The following MAF variants were observed in gnomAD, a reference collection of about 807,000 sequenced individuals.
MAF encodes MAF bZIP transcription factor, also known as transcription factor Maf.
MAF carries 10 observed loss-of-function variants against 22.0 expected under a neutral mutation model. The observed-to-expected ratio is 0.45, with a 90% CI of 0.28 to 0.77. The LOEUF is 0.77. Ranked by LOEUF, MAF falls within the 30% of genes least tolerant of loss-of-function variation. The probability of loss-of-function intolerance (pLI) is 0.12; values close to 1 mark genes in which losing one functional copy is unlikely to be tolerated. For missense variants in MAF, 544 were observed against 548.4 expected, an observed-to-expected ratio of 0.99 and a Z score of 0.08; for synonymous variants, 337 against 255.8, an observed-to-expected ratio of 1.32 and a Z score of -3.03.
the MAF span, among the ~76,000 whole-genome samples, chr16:79,263,475 C>G: frequency 6.6e-6 from 1 of 152,192 alleles, no homozygotes; most frequent in Non-Finnish European, 1.5e-5. Context: ...AACCATTTGT[C>G]CTTGTCCTAA....
the MAF span, among the ~76,000 whole-genome samples, chr16:79,440,024 A>G: frequency 6.6e-6 from 1 of 152,218 alleles, no homozygotes; most frequent in Non-Finnish European, 1.5e-5. Context: ...ACAGACAGGC[A>G]CAGTCAGAAC....
the MAF span, among the ~76,000 whole-genome samples, chr16:79,407,316 A>C: frequency 6.6e-6 from 1 of 152,170 alleles, no homozygotes; most frequent in Non-Finnish European, 1.5e-5. Flanking sequence ...AGGCCCTACG[A>C]AATGCCATCA....
At chr16:79,435,093 G>C in the MAF span, among the ~76,000 whole-genome samples, 1 of 152,154 alleles carries the variant, frequency 6.6e-6, no homozygotes, top group East Asian at 1.9e-4. Context: ...GTCCTAGACT[G>C]GCATGACTTG....
chr16:79,458,578 T>C, the MAF span, among the ~76,000 whole-genome samples: 1 of 152,104 alleles, frequency 6.6e-6, no homozygotes, highest in Non-Finnish European at 1.5e-5. Flanking sequence ...CTCATGGAGG[T>C]GGAAGAGGTG....
At chr16:79,337,271 C>G in the MAF span, among the ~76,000 whole-genome samples, 1 of 152,122 alleles carries the variant, frequency 6.6e-6, no homozygotes, top group African/African-American at 2.4e-5. Context: ...AAGAAATGCA[C>G]CCATAAAACA....
chr16:79,210,668 G>C, the MAF span, among the ~76,000 whole-genome samples: 1 of 152,160 alleles, frequency 6.6e-6, no homozygotes, highest in Admixed American at 6.5e-5. Flanking sequence ...TTAAATTAGA[G>C]ACGTGCCGAC....
chr16:79,398,768 C>T, the MAF span, among the ~76,000 whole-genome samples: 162 of 152,300 alleles, frequency 1.1e-3, no homozygotes, highest in African/African-American at 3.8e-3. Flanking sequence ...GCCCCTCTGT[C>T]TGGCATTCTC....
the MAF span, among the ~76,000 whole-genome samples, chr16:79,566,078 A>G: frequency 1.3e-5 from 2 of 152,206 alleles, no homozygotes; most frequent in Non-Finnish European, 2.9e-5. Context: ...AAACAAACGC[A>G]ACCAAACAAA....
At chr16:79,489,465 A>T in the MAF span, among the ~76,000 whole-genome samples, 8 of 152,204 alleles carry the variant, frequency 5.3e-5, no homozygotes, top group Admixed American at 3.3e-4. Flanking sequence ...CCTGGGGGAA[A>T]TTCTCAGAAA....
At chr16:79,447,668 C>T in the MAF span, among the ~76,000 whole-genome samples, 1 of 151,818 alleles carries the variant, frequency 6.6e-6, no homozygotes, top group African/African-American at 2.4e-5. Context: ...AAAATATAAA[C>T]ATTAATAGGA....
At chr16:79,313,583 C>T in the MAF span, among the ~76,000 whole-genome samples, 4 of 152,196 alleles carry the variant, frequency 2.6e-5, no homozygotes, top group East Asian at 7.7e-4. Flanking sequence ...CTGTCTCTGT[C>T]TTCCTTGGTG....
At chr16:79,466,565 G>C in the MAF span, among the ~76,000 whole-genome samples, 130 of 152,288 alleles carry the variant, frequency 8.5e-4, no homozygotes, top group African/African-American at 2.8e-3. Flanking sequence ...TCTTCCTCAG[G>C]TTGGCACCTT....
At chr16:79,537,916 G>T in the MAF span, among the ~76,000 whole-genome samples, 1 of 152,268 alleles carries the variant, frequency 6.6e-6, no homozygotes, top group South Asian at 2.1e-4. Context: ...ATGTGACATG[G>T]ATACTATTTA....
At chr16:79,390,077 C>CTG in the MAF span, among the ~76,000 whole-genome samples, 1 of 148,342 alleles carries the variant, frequency 6.7e-6, no homozygotes, top group East Asian at 2.0e-4. Context: ...GTGTGAGCAT[C>CTG]TGTGTGTGTG....
downstream of MAF, among the ~76,000 whole-genome samples, chr16:79,581,287 T>A (rs981013404): frequency 6.6e-6 from 1 of 152,160 alleles, no homozygotes; most frequent in African/African-American, 2.4e-5. Context: ...TCATCAGGAA[T>A]GAACCTCATT....
the MAF span, among the ~76,000 whole-genome samples, chr16:79,295,427 A>C: frequency 6.6e-6 from 1 of 152,196 alleles, no homozygotes; most frequent in Non-Finnish European, 1.5e-5. Flanking sequence ...GGTACAGAGA[A>C]AGCCAGATTG....
the MAF span, among the ~76,000 whole-genome samples, chr16:79,276,318 T>G: frequency 6.6e-6 from 1 of 152,124 alleles, no homozygotes; most frequent in African/African-American, 2.4e-5. Context: ...CAGCAGGCCT[T>G]CTTGGGACTC....
At chr16:79,479,676 C>A in the MAF span, among the ~76,000 whole-genome samples, 2 of 152,226 alleles carry the variant, frequency 1.3e-5, no homozygotes, top group Admixed American at 1.3e-4. Flanking sequence ...AAAACTCTTC[C>A]TACCTTATAT....
chr16:79,522,179 G>C, the MAF span, among the ~76,000 whole-genome samples: 1 of 152,208 alleles, frequency 6.6e-6, no homozygotes, highest in African/African-American at 2.4e-5. Context: ...CTTAGAAGGA[G>C]AGCCTGGGTT....
Sources: gnomAD v4.1 joint callset for allele counts (sites outside exome capture counted in the v4.1 genomes callset) on GRCh38, gnomAD v4.1.1 for gene constraint, MANE v1.5 for transcripts, NCBI Gene and HGNC (gene_info 2026-07-23, HGNC 2026-07-21) for gene names.